Variants in SLIT1 observed in about 807,000 individuals in gnomAD.
SLIT1 encodes slit guidance ligand 1.
In SLIT1, 66 loss-of-function variants were observed where a neutral mutation model predicts 186.1. The observed-to-expected ratio is 0.35, with a 90% CI of 0.29 to 0.44. SLIT1 has a LOEUF of 0.44. Ranked by LOEUF, SLIT1 falls within the 20% of genes least tolerant of loss-of-function variation. The pLI is 1.00. For synonymous variants in SLIT1, 761 were observed against 833.8 expected (o/e 0.91, Z 1.50); for missense variants, 1,638 against 2,037.4 (o/e 0.80, Z 3.77).
At chr10:97,013,950 C>A (rs1468872699) in intron 29 of SLIT1, 69 bp downstream of exon 29, 1 of 1,587,954 alleles carries the variant, frequency 6.3e-7, no homozygotes, top group East Asian at 2.3e-5. Context: ...CTTCCACTCC[C>A]GAGCATGGGG....
chr10:97,019,056 G>C lies in SLIT1; in HGVS notation c.2798C>G (p.Pro933Arg). The C allele has an allele frequency of 1.2e-6, 2 of 1,614,008 alleles. No individual in the cohort carries two copies. The highest frequency in any genetic ancestry group is 3.3e-5 in the Admixed American group (2 of 60,014). ...GTGGCAGGTGCCCTGGTTCTGGCAC[G>C]GACTGGACAAGCAGAGATCACACTT... Reference protein sequence around the residue: ...QAKCDLCLSSPCQNQGTCHND... With the variant: ...QAKCDLCLSSRCQNQGTCHND... Residue 933 changes from proline (P) to arginine (R), a missense_variant, in exon 27 of 37, where the codon CCG (proline) becomes CGG (arginine). Pro to Arg is a moderately radical substitution (Grantham distance 103). Around this residue, in one of 3 missense-constraint regions of SLIT1, gnomAD observed 1,245 missense variants for 1,535.3 expected, o/e 0.81. Coordinates refer to ENST00000266058, the MANE Select transcript of SLIT1 (RefSeq NM_003061.3).
chr10:97,105,731 A>G (rs1331192985), intron 4 of SLIT1, among the ~76,000 whole-genome samples: 3 of 152,192 alleles, frequency 2.0e-5, no homozygotes, highest in African/African-American at 7.2e-5. Context: ...TGAGGTGAAA[A>G]TGGGGCCAGG....
chr10:97,056,548 C>T (rs1848838202), intron 12 of SLIT1, 84 bp from the exon 13 acceptor site: 32 of 1,422,512 alleles, frequency 2.2e-5, no homozygotes, highest in South Asian at 2.1e-4. Flanking sequence ...TCTTCAGTCC[C>T]GGCCTGCGTT....
chr10:97,156,937 G>T (rs4919076), intron 4 of SLIT1, among the ~76,000 whole-genome samples: 3,506 of 152,228 alleles, frequency 0.023, 284 homozygotes, highest in East Asian at 0.2. Flanking sequence ...AACAATTAAG[G>T]GAACTAAAAA....
At chr10:97,027,838 T>A (rs191441578) in intron 25 of SLIT1, among the ~76,000 whole-genome samples, 1 of 152,252 alleles carries the variant, frequency 6.6e-6, no homozygotes, top group Non-Finnish European at 1.5e-5. Flanking sequence ...GTTATTTGGT[T>A]CTCATGAGGA....
chr10:97,085,145 A>G (rs1333654461), intron 4 of SLIT1, among the ~76,000 whole-genome samples: 2 of 151,444 alleles, frequency 1.3e-5, no homozygotes, highest in Admixed American at 6.6e-5. Flanking sequence ...GGATGGTCTC[A>G]ATCTCCTGAC....
rs977181791 is a variant in SLIT1, at chr10:97,105,433, G to T, written c.414-39347C>A. ...GCCCCAGGAGCAGCAAGAACCAGATGAAAGGGAACCCAAGGCCCTCCTTGC... is the reference window on the plus strand; with the variant it reads ...GCCCCAGGAGCAGCAAGAACCAGATTAAAGGGAACCCAAGGCCCTCCTTGC... On this transcript the variant is annotated intron_variant, in intron 4 of 36. Transcript: ENST00000266058. Among the ~76,000 whole-genome samples the T allele has an allele frequency of 4.7e-4, 71 of 152,312 alleles. 1 individual carries two copies. The highest frequency in any genetic ancestry group is 7.9e-4 in the African/African-American group (33 of 41,574).
chr10:97,171,627 C>G (rs775387721), intron 1 of SLIT1, among the ~76,000 whole-genome samples: 6 of 152,256 alleles, frequency 3.9e-5, no homozygotes, highest in African/African-American at 1.4e-4. Flanking sequence ...TGAGACCAGC[C>G]TGGCCAACAT....
At chr10:97,109,740 T>C (rs1335614598) in intron 4 of SLIT1, among the ~76,000 whole-genome samples, 1 of 152,226 alleles carries the variant, frequency 6.6e-6, no homozygotes, top group African/African-American at 2.4e-5. Context: ...TCCACAGCTT[T>C]TGTGCCTGAT....
chr10:97,122,659 G>A (rs554159419), intron 4 of SLIT1, among the ~76,000 whole-genome samples: 3 of 152,288 alleles, frequency 2.0e-5, no homozygotes, highest in African/African-American at 7.2e-5. Flanking sequence ...AGTGGAGTGT[G>A]AGGAAGGCAC....
chr10:97,178,198 C>T (rs143929235), intron 1 of SLIT1, among the ~76,000 whole-genome samples: 1 of 152,262 alleles, frequency 6.6e-6, no homozygotes, highest in Non-Finnish European at 1.5e-5. Flanking sequence ...AAGAAAACAA[C>T]TACCTCTCAG....
chr10:97,070,784 A>C (rs1208763698), intron 4 of SLIT1, among the ~76,000 whole-genome samples: 1 of 152,138 alleles, frequency 6.6e-6, no homozygotes, highest in Non-Finnish European at 1.5e-5. Flanking sequence ...GTGAGAAATA[A>C]ATTTCTGCTG....
intron 4 of SLIT1, among the ~76,000 whole-genome samples, chr10:97,085,125 G>A (rs1450554974): frequency 4.6e-5 from 7 of 151,684 alleles, no homozygotes; most frequent in South Asian, 4.2e-4. Flanking sequence ...GGTTTTCACC[G>A]TGTTAGCCAG....
At chr10:97,171,609 C>T (rs1850189767) in intron 1 of SLIT1, among the ~76,000 whole-genome samples, 2 of 152,154 alleles carry the variant, frequency 1.3e-5, no homozygotes, top group South Asian at 4.1e-4. Context: ...CACCTGAGGT[C>T]AGGAGTTTGA....
chr10:97,067,741 G>A (rs1188197699), intron 4 of SLIT1, among the ~76,000 whole-genome samples: 1 of 152,170 alleles, frequency 6.6e-6, no homozygotes, highest in South Asian at 2.1e-4. Context: ...ACACACCGGG[G>A]TCCTGAAGGT....
chr10:97,060,181 A>G lies in SLIT1; in HGVS notation c.942-23T>C, dbSNP rs751612057. Reference sequence around the variant, plus strand: ...CGTCTGCGGGGAGAAAAGAGAGGGGAAGCCCAAGGGCCCAGGTCAGCCCAG... The same window carrying G: ...CGTCTGCGGGGAGAAAAGAGAGGGGGAGCCCAAGGGCCCAGGTCAGCCCAG... On this transcript the variant is annotated intron_variant, in intron 9 of 36. Coordinates refer to ENST00000266058, the MANE Select transcript of SLIT1 (RefSeq NM_003061.3). The G allele has an allele frequency of 5.0e-6, 8 of 1,605,342 alleles. No homozygotes were observed. The Admixed American group carries it at 6.7e-5, about 13-fold the overall frequency.
intron 4 of SLIT1, among the ~76,000 whole-genome samples, chr10:97,080,113 C>A (rs1201173356): frequency 6.6e-6 from 1 of 152,332 alleles, no homozygotes; most frequent in African/African-American, 2.4e-5. Context: ...AAGCCCTTTG[C>A]ATCTGCTACC....
In SLIT1 at chr10:97,060,094, G is replaced by T; in HGVS notation, c.1006C>A (p.Arg336=). The change falls in exon 10 of 37, where the codon CGG becomes AGG. Residue 336 remains arginine, a synonymous_variant. Transcript: ENST00000266058. ...GCAGTGGGAGGCACTCACATCCTCC[G>T]TAGCTTTCTGTAGGGTGAGAAGGCT... ...PGAFSPYRKL[R]RIDLSNNQIA... 6.2e-7 allele frequency: 1 copy of T among 1,613,042 alleles called. No homozygotes were observed. The highest frequency in any genetic ancestry group is 1.1e-5 in the South Asian group (1 of 91,064).
intron 4 of SLIT1, among the ~76,000 whole-genome samples, chr10:97,119,565 C>A (rs1049689392): frequency 2.0e-5 from 3 of 151,964 alleles, no homozygotes; most frequent in Non-Finnish European, 4.4e-5. Flanking sequence ...AGGTGGGTTG[C>A]GACGGGGCGG....
Sources: allele counts gnomAD v4.1 joint callset (sites outside exome capture counted in the v4.1 genomes callset), GRCh38; gene constraint gnomAD v4.1.1; regional missense constraint gnomAD v4.1.1; transcripts MANE v1.5; gene names NCBI Gene and HGNC (gene_info 2026-07-23, HGNC 2026-07-21).